The following HMOX1 variants were observed in gnomAD, a reference collection of about 807,000 sequenced individuals.
HMOX1 encodes the protein heat shock protein, 32-kD.
In HMOX1, 22 loss-of-function variants were observed where a neutral mutation model predicts 27.8. The observed-to-expected ratio is 0.79, with a 90% CI of 0.57 to 1.13. HMOX1 has a LOEUF of 1.13. Ranked by LOEUF, HMOX1 falls within the 50% of genes most tolerant of loss-of-function variation. The pLI, the probability that HMOX1 is intolerant of heterozygous loss-of-function variation, is 0.00. For synonymous variants in HMOX1, 153 were observed against 151.6 expected (o/e 1.01, Z -0.07); for missense variants, 379 against 377.7 (o/e 1.00, Z -0.03).
intron 4 of HMOX1, 194 bp downstream of exon 4, chr22:35,390,157 T>G (rs1931677432): frequency 1.6e-6 from 1 of 624,620 alleles, no homozygotes; most frequent in Non-Finnish European, 2.9e-6. Context: ...AACACCTGAC[T>G]TCAAGCAATC....
chr22:35,392,862 A>G (rs1411591819), intron 4 of HMOX1, among the ~76,000 whole-genome samples: 1 of 151,582 alleles, frequency 6.6e-6, no homozygotes, highest in Non-Finnish European at 1.5e-5. Context: ...GATTACTGGC[A>G]CTCGCAACCA....
Position 35,387,146 on chromosome 22 carries a change from G to C in HMOX1, c.606G>C (p.Glu202Asp). The change falls in exon 3 of 5, where the codon GAG (glutamate) becomes GAC (aspartate). Residue 202 changes from glutamate to aspartate, a missense_variant. Coordinates refer to ENST00000216117, the MANE Select transcript of HMOX1 (RefSeq NM_002133.3). Reference sequence around the variant, plus strand: ...CAGTCAGGCAGAGGGTGATAGAAGAGGCCAAGACTGCGTTCCTGCTCAACA... The same window carrying C: ...CAGTCAGGCAGAGGGTGATAGAAGACGCCAAGACTGCGTTCCTGCTCAACA... ...TPAVRQRVIE[E>D]AKTAFLLNIQ... 6.2e-7 allele frequency: 1 copy of C among 1,613,568 alleles called. No homozygotes were observed. Among genetic ancestry groups the C allele is most frequent in the Non-Finnish European group, 8.5e-7 (1 of 1,180,046 alleles).
chr22:35,393,690 G>A lies in HMOX1; in HGVS notation c.*92G>A, dbSNP rs906139651. ...AATTCTCTTGGCTGGCTTCCTTACC[G>A]TGGGCACTGAAGGCTTTCAGGGCCT... On this transcript the variant is annotated 3_prime_UTR_variant, in exon 5 of 5. Coordinates refer to ENST00000216117, the MANE Select transcript of HMOX1 (RefSeq NM_002133.3). 2.9e-5 allele frequency: 45 copies of A among 1,533,362 alleles called. No homozygotes were observed. Among genetic ancestry groups the A allele is most frequent in the South Asian group, 1.2e-4 (11 of 88,914 alleles). 95.0% of individuals were successfully genotyped at this position (1,533,362 alleles called of 1,614,324 possible). A position where few individuals can be genotyped will look rare whatever the true frequency, so the allele number is the denominator to read the frequency against.
chr22:35,383,070 C>A, intron 1 of HMOX1, 36 bp from the exon 2 acceptor site: 1 of 1,611,270 alleles, frequency 6.2e-7, no homozygotes, highest in Non-Finnish European at 8.5e-7. Flanking sequence ...CCACCCCCAG[C>A]CAGCTTTGTG....
intron 3 of HMOX1, among the ~76,000 whole-genome samples, chr22:35,389,344 CTT>C: frequency 3.3e-5 from 1 of 29,994 alleles, no homozygotes. Context: ...CTTTCTTCTC[CTT>C]CCTTCCTTCC....
intron 3 of HMOX1, among the ~76,000 whole-genome samples, chr22:35,387,509 T>C (rs1931539836): frequency 6.6e-6 from 1 of 152,222 alleles, no homozygotes; most frequent in African/African-American, 2.4e-5. Context: ...TGAGAATCAG[T>C]TGTAGCTCTC....
In HMOX1 at chr22:35,383,183, T is replaced by C. The variant is rs903490384; in HGVS notation, c.101T>C (p.Met34Thr). ...ACCCAGGCAGAGAATGCTGAGTTCA[T>C]GAGGAACTTTCAGAAGGGCCAGGTG... The part of the protein sequence containing the change: ...VHTQAENAEF[M>T]RNFQKGQVTR... Residue 34 changes from methionine (M) to threonine (T), a missense_variant, in exon 2 of 5, where the codon ATG (methionine) becomes ACG (threonine). Met to Thr is a moderately conservative substitution (Grantham distance 81). Coordinates refer to ENST00000216117, the MANE Select transcript of HMOX1 (RefSeq NM_002133.3). 6.2e-6 allele frequency: 10 copies of C among 1,613,640 alleles called. No individual in the cohort carries two copies. In the African/African-American group the frequency reaches 6.7e-5, roughly 11 times the overall value.
chr22:35,386,907 C>T lies in HMOX1; in HGVS notation c.367C>T (p.Arg123Cys), dbSNP rs1239968647. 7.4e-6 allele frequency: 12 copies of T among 1,614,014 alleles called. No homozygotes were observed. The highest frequency in any genetic ancestry group is 1.0e-5 in the Non-Finnish European group (12 of 1,179,994). Residue 123 changes from arginine to cysteine, a missense_variant, in exon 3 of 5, where the codon CGC (arginine) becomes TGC (cysteine). Transcript: ENST00000216117. Reference sequence around the variant, plus strand: ...TGTGAAGCGGCTCCACGAGGTGGGGCGCACAGAGCCCGAGCTGCTGGTGGC... The same window carrying T: ...TGTGAAGCGGCTCCACGAGGTGGGGTGCACAGAGCCCGAGCTGCTGGTGGC... The part of the protein sequence containing the change: ...RYVKRLHEVG[R>C]TEPELLVAHA...
intron 2 of HMOX1, among the ~76,000 whole-genome samples, chr22:35,384,874 A>C (rs979093429): frequency 2.0e-5 from 3 of 151,108 alleles, no homozygotes; most frequent in Admixed American, 1.3e-4. Context: ...CAGAGAAAGC[A>C]AGTGGCTCAC....
chr22:35,390,788 G>A (rs1000558448), intron 4 of HMOX1, among the ~76,000 whole-genome samples: 3 of 152,104 alleles, frequency 2.0e-5, no homozygotes, highest in African/African-American at 4.8e-5. Context: ...GGGAGTTGGG[G>A]ACCTGTATCC....
rs1931544467 is a variant in HMOX1 at position 35,387,729 on chromosome 22, G to A, written c.636+553G>A. Among the ~76,000 whole-genome samples the A allele has an allele frequency of 3.9e-5, 6 of 152,230 alleles. No homozygotes were observed. In the South Asian group the frequency reaches 1.2e-3, roughly 32 times the overall value. On this transcript the variant is annotated intron_variant, in intron 3 of 4. Transcript: ENST00000216117. The stretch of plus-strand genomic sequence containing the variant: ...ATGAATTCTTGGGCAGAGGTGGAGG[G>A]GTGAGGGGCTCCTTCTAACCAGATG...
At chr22:35,389,997 G>A (rs1335632760) in intron 4 of HMOX1, 34 bp downstream of exon 4, 4 of 1,413,958 alleles carry the variant, frequency 2.8e-6, no homozygotes, top group Non-Finnish European at 4.0e-6. Flanking sequence ...CTTCCTCTGG[G>A]CTACACATGG....
Position 35,393,591 on chromosome 22 carries a change from C to G in HMOX1, c.860C>G (p.Ala287Gly), listed in dbSNP as rs202209408. ...GCGACAGTTGCTGTAGGGCTTTATG[C>G]CATGTGAATGCAGGCATGCTGGCTC... ...LVATVAVGLY[A>G]M is the part of the protein sequence containing the mutation. The change falls in exon 5 of 5, where the codon GCC becomes GGC. Residue 287 changes from alanine (A) to glycine (G), a missense_variant. Ala to Gly is a moderately conservative substitution (Grantham distance 60). Coordinates refer to ENST00000216117, the MANE Select transcript of HMOX1 (RefSeq NM_002133.3). The G allele has an allele frequency of 1.9e-6, 3 of 1,614,178 alleles. No homozygotes were observed. The highest frequency in any genetic ancestry group is 1.7e-6 in the Non-Finnish European group (2 of 1,180,004).
At chr22:35,392,717 CTTTTTTT>C (rs753975375) in intron 4 of HMOX1, among the ~76,000 whole-genome samples, 10 of 136,316 alleles carry the variant, frequency 7.3e-5, no homozygotes, top group African/African-American at 1.1e-4. Context: ...TGTTTTAAAT[CTTTTTTT>C]TTTTTTTTTT....
intron 3 of HMOX1, 30 bp from the exon 4 acceptor site, chr22:35,389,834 A>G: frequency 6.7e-7 from 1 of 1,481,698 alleles, no homozygotes; most frequent in Non-Finnish European, 9.3e-7. Flanking sequence ...TCTCTCACTG[A>G]GATAGGCATG....
Position 35,389,874 on chromosome 22 carries a change from A to G in HMOX1, c.647A>G (p.Glu216Gly). ...TCTTTTGTCTTTTAGCTCTTTGAGG[A>G]GTTGCAGGAGCTGCTGACCCATGAC... ...AFLLNIQLFE[E>G]LQELLTHDTK... Residue 216 changes from glutamate to glycine, a missense_variant, in exon 4 of 5, where the codon GAG becomes GGG. Physicochemically the swap from Glu to Gly is moderately conservative, Grantham distance 98 (BLOSUM62 -2). Coordinates refer to ENST00000216117, the MANE Select transcript of HMOX1 (RefSeq NM_002133.3). The G allele has an allele frequency of 6.2e-7, 1 of 1,608,440 alleles. No homozygotes were observed. The highest frequency in any genetic ancestry group is 8.5e-7 in the Non-Finnish European group (1 of 1,178,056).
rs1273875104 is a variant in HMOX1, at chr22:35,389,420, CTTTCTTTCTATCTTTCTTTCTTTCTTTCT to C, written c.637-434_637-406del. The stretch of plus-strand genomic sequence containing the variant: ...CCTTTCTTTCTTTCTTTCTTTCTTT[CTTTCTTTCTATCTTTCTTTCTTTCTTTCT>C]TTTCTTTCTTTCTTGCAGAGTCTCG... On this transcript the variant is annotated intron_variant, in intron 3 of 4. Coordinates refer to ENST00000216117, the MANE Select transcript of HMOX1 (RefSeq NM_002133.3). 2.3e-3 allele frequency among the ~76,000 whole-genome samples: 208 copies of C among 88,912 alleles called. 4 individuals are homozygous for C. Among genetic ancestry groups the C allele is most frequent in the Middle Eastern group, 4.5e-3 (1 of 220 alleles). 58.3% of individuals were successfully genotyped at this position (88,912 alleles called of 152,430 possible).
intron 3 of HMOX1, among the ~76,000 whole-genome samples, chr22:35,389,429 TATCTTTCTTTCTTTCTTTC>T (rs1931650435): frequency 4.4e-5 from 3 of 67,902 alleles, no homozygotes; most frequent in Non-Finnish European, 9.2e-5. Flanking sequence ...TCTTTCTTTC[TATCTTTCTTTCTTTCTTTC>T]TTTTCTTTCT....
intron 2 of HMOX1, among the ~76,000 whole-genome samples, chr22:35,383,846 C>T (rs1236473712): frequency 6.6e-6 from 1 of 152,100 alleles, no homozygotes; most frequent in Non-Finnish European, 1.5e-5. Flanking sequence ...ATGCCAGGTA[C>T]TGATTTTGCT....
Sources: allele counts gnomAD v4.1 joint callset (sites outside exome capture counted in the v4.1 genomes callset), GRCh38; gene constraint gnomAD v4.1.1; transcripts MANE v1.5; gene names NCBI Gene and HGNC (gene_info 2026-07-23, HGNC 2026-07-21).